The following AXL variants were observed in gnomAD, a reference collection of about 807,000 sequenced individuals.
AXL encodes the protein tyrosine-protein kinase receptor UFO.
Under a neutral mutation model 104.5 loss-of-function variants are expected in AXL, and 52 were observed. The observed-to-expected ratio is 0.50, with a 90% CI of 0.40 to 0.63. AXL has a LOEUF of 0.63. Among genes scored for constraint, AXL ranks in the 20% least tolerant of loss-of-function variants. AXL has a pLI of 0.00. For synonymous variants in AXL, 455 were observed against 473.7 expected, an observed-to-expected ratio of 0.96 and a Z score of 0.51; for missense variants, 1,024 against 1,188.5, an observed-to-expected ratio of 0.86 and a Z score of 2.04.
chr19:41,238,034 C>G lies in AXL; in HGVS notation c.874C>G (p.His292Asp). 1.2e-6 allele frequency: 2 copies of G among 1,614,002 alleles called. No homozygotes were observed. Among genetic ancestry groups the G allele is most frequent in the Non-Finnish European group, 1.7e-6 (2 of 1,179,986 alleles). Residue 292 changes from histidine (H) to aspartate (D), a missense_variant, in exon 7 of 20, where the codon CAT (histidine) becomes GAT (aspartate). Transcript: ENST00000301178. Reference sequence around the variant, plus strand: ...CACCTCGCAAGCATCCGTGCCCCCCCATCAGCTTCGGCTAGGCAGCCTCCA... The same window carrying G: ...CACCTCGCAAGCATCCGTGCCCCCCGATCAGCTTCGGCTAGGCAGCCTCCA... Reference protein sequence around the residue: ...PLTSQASVPPHQLRLGSLHPH... With the variant: ...PLTSQASVPPDQLRLGSLHPH...
At chr19:41,249,797 G>A (rs938712535) in intron 14 of AXL, among the ~76,000 whole-genome samples, 7 of 151,654 alleles carry the variant, frequency 4.6e-5, no homozygotes, top group Admixed American at 2.6e-4. Flanking sequence ...ACACATGGGC[G>A]ACACAACCAC....
intron 9 of AXL, 40 bp downstream of exon 9, chr19:41,239,354 T>C: frequency 6.5e-7 from 1 of 1,537,370 alleles, no homozygotes; most frequent in Non-Finnish European, 8.7e-7. Context: ...CAACCCTGTC[T>C]CTCCCTGACA....
chr19:41,256,531 G>A lies in AXL; in HGVS notation c.2116G>A (p.Gly706Arg). ...CTACAATGGGGACTACTACCGCCAG[G>A]GACGTATCGCCAAGATGCCAGTCAA... is the stretch of plus-strand genomic sequence containing the variant. ...KIYNGDYYRQ[G>R]RIAKMPVKWI... The change falls in exon 18 of 20, where the codon GGA becomes AGA. Residue 706 changes from glycine (G) to arginine (R), a missense_variant. Gly to Arg is a moderately radical substitution (Grantham distance 125, BLOSUM62 -2). Around this residue, in one of 5 missense-constraint regions of AXL, gnomAD observed 523 missense variants for 636.0 expected, o/e 0.82. Coordinates refer to ENST00000301178, the MANE Select transcript of AXL (RefSeq NM_021913.5). 1.2e-6 allele frequency: 2 copies of A among 1,614,218 alleles called. No individual in the cohort carries two copies. The highest frequency in any genetic ancestry group is 1.7e-6 in the Non-Finnish European group (2 of 1,180,040).
rs1398432942 is a variant in AXL, at chr19:41,260,332, G to A, written c.*428G>A. The A allele has an allele frequency of 6.0e-5, 4 of 66,316 alleles. No homozygotes were observed. In the Admixed American group the frequency reaches 9.5e-4, roughly 16 times the overall value. The allele number at this position is 66,316 out of a possible 1,614,324, so 4.1% of individuals were successfully genotyped here. A position where few individuals can be genotyped will look rare whatever the true frequency, so the allele number is the denominator to read the frequency against. On this transcript the variant is annotated 3_prime_UTR_variant, in exon 20 of 20. Transcript: ENST00000301178. ...TTTTTTTTTTTTTTTTTTTTTTTGC[G>A]ATAGAGTCTCACTGTGTCACCCAGG...
At chr19:41,248,037 C>T (rs1274256240) in intron 12 of AXL, among the ~76,000 whole-genome samples, 1 of 151,874 alleles carries the variant, frequency 6.6e-6, no homozygotes, top group East Asian at 1.9e-4. Context: ...ATTTTCCTGC[C>T]TCAGCCTCCC....
chr19:41,231,643 T>C (rs1047525583), intron 6 of AXL, among the ~76,000 whole-genome samples: 2 of 152,058 alleles, frequency 1.3e-5, no homozygotes, highest in Non-Finnish European at 2.9e-5. Context: ...TTTAACAAAA[T>C]TGGCCAGGCG....
At chr19:41,255,171 G>A (rs542170304) in intron 17 of AXL, among the ~76,000 whole-genome samples, 4 of 152,316 alleles carry the variant, frequency 2.6e-5, no homozygotes, top group African/African-American at 7.2e-5. Context: ...ACTGCTTTGT[G>A]TCTGGCTTCT....
At chr19:41,236,859 C>T (rs181116483) in intron 6 of AXL, among the ~76,000 whole-genome samples, 2 of 151,812 alleles carry the variant, frequency 1.3e-5, no homozygotes, top group African/African-American at 2.4e-5. Flanking sequence ...AGATCAAGCT[C>T]GTCTAACACA....
intron 17 of AXL, 118 bp from the exon 18 acceptor site, chr19:41,256,333 TC>T: frequency 1.6e-6 from 2 of 1,225,294 alleles, no homozygotes; most frequent in Non-Finnish European, 2.3e-6. Flanking sequence ...AGGAGACAGA[TC>T]CCCACCCGCA....
chr19:41,237,150 G>A (rs1411264280), intron 6 of AXL, among the ~76,000 whole-genome samples: 1 of 152,188 alleles, frequency 6.6e-6, no homozygotes, highest in Non-Finnish European at 1.5e-5. Flanking sequence ...TCAGGCCCCA[G>A]AGATGGCCAC....
At chr19:41,258,932 G>A (rs1200983037) in intron 19 of AXL, among the ~76,000 whole-genome samples, 2 of 152,232 alleles carry the variant, frequency 1.3e-5, no homozygotes, top group African/African-American at 2.4e-5. Context: ...GTTGGGACTG[G>A]AGGATTGCTT....
In AXL at chr19:41,237,968, G is replaced by A; in HGVS notation, c.808G>A (p.Gly270Ser). The change falls in exon 7 of 20, where the codon GGC becomes AGC. Residue 270 changes from glycine to serine, a missense_variant. Physicochemically the swap from Gly to Ser is moderately conservative, Grantham distance 56. Around this residue, in one of 5 missense-constraint regions of AXL, gnomAD observed 332 missense variants for 343.9 expected, o/e 0.97. Coordinates refer to ENST00000301178, the MANE Select transcript of AXL (RefSeq NM_021913.5). ...GGCTGTGCTGTCAGACGATGGGATG[G>A]GCATCCAGGCGGGAGAACCAGACCC... ...LQAVLSDDGMGIQAGEPDPPE... is the reference protein window; with the variant it reads ...LQAVLSDDGMSIQAGEPDPPE... The A allele has an allele frequency of 1.2e-6, 2 of 1,613,844 alleles. No individual in the cohort carries two copies. The highest frequency in any genetic ancestry group is 1.3e-5 in the African/African-American group (1 of 74,988).
chr19:41,253,526 A>G, intron 16 of AXL, 73 bp from the exon 17 acceptor site: 1 of 1,132,540 alleles, frequency 8.8e-7, no homozygotes, highest in South Asian at 1.3e-5. Flanking sequence ...AGGCTTGCAC[A>G]GAGGGATGGA....
Position 41,256,973 on chromosome 19 carries a change from G to C in AXL, c.2196+362G>C, listed in dbSNP as rs537094197. Reference sequence around the variant, plus strand: ...ATGAAGTGTGTATATGTGTGTGATGGTGAGCATGTGTATGCATCCACAAAA... The same window carrying C: ...ATGAAGTGTGTATATGTGTGTGATGCTGAGCATGTGTATGCATCCACAAAA... On this transcript the variant is annotated intron_variant, in intron 18 of 19. Transcript: ENST00000301178. Among the ~76,000 whole-genome samples the C allele has an allele frequency of 3.3e-5, 5 of 152,312 alleles. No homozygotes were observed. In the South Asian group the frequency reaches 1.0e-3, roughly 32 times the overall value.
Position 41,252,874 on chromosome 19 carries a change from G to A in AXL, c.1833G>A (p.Glu611=). 1 of 1,614,142 alleles carries A rather than the reference G, an allele frequency of 6.2e-7. No homozygotes were observed. Among genetic ancestry groups the A allele is most frequent in the South Asian group, 1.1e-5 (1 of 91,074 alleles). Residue 611 remains glutamate (E), a synonymous_variant, in exon 16 of 20, where the codon GAG becomes GAA. Transcript: ENST00000301178. The part of the protein sequence containing the change: ...IGVCFQGSER[E]SFPAPVVILP... ...TCTGTTTCCAGGGTTCTGAACGAGA[G>A]AGCTTCCCAGCACCTGTGGTCATCT...
chr19:41,244,003 C>A, intron 12 of AXL: 1 of 283,706 alleles, frequency 3.5e-6, no homozygotes, highest in South Asian at 6.4e-5. Context: ...CCCAGGAGTT[C>A]GAGAACAGCC....
chr19:41,247,596 T>C (rs979961927), intron 12 of AXL, among the ~76,000 whole-genome samples: 1 of 152,182 alleles, frequency 6.6e-6, no homozygotes, highest in Non-Finnish European at 1.5e-5. Context: ...GTGTGTGTGT[T>C]TTGTTTGAGA....
intron 8 of AXL, among the ~76,000 whole-genome samples, chr19:41,238,812 C>G (rs1189638345): frequency 6.6e-6 from 1 of 152,082 alleles, no homozygotes; most frequent in African/African-American, 2.4e-5. Flanking sequence ...TGTTTTTGAA[C>G]CACTGCAAAA....
chr19:41,226,277 C>T (rs1204746247), intron 4 of AXL, among the ~76,000 whole-genome samples: 1 of 152,182 alleles, frequency 6.6e-6, no homozygotes, highest in Non-Finnish European at 1.5e-5. Context: ...CTCCGGCCGG[C>T]GGCGCCAGCT....
Sources: gnomAD v4.1 joint callset for allele counts (sites outside exome capture counted in the v4.1 genomes callset) on GRCh38, gnomAD v4.1.1 for gene constraint, gnomAD v4.1.1 regional missense constraint, MANE v1.5 for transcripts, NCBI Gene and HGNC (gene_info 2026-07-23, HGNC 2026-07-21) for gene names.